The following GNAL variants were observed in gnomAD, a reference collection of about 807,000 sequenced individuals.
GNAL encodes the protein G protein subunit alpha L, also known as guanine nucleotide-binding protein G(olf) subunit alpha.
In GNAL, 18 loss-of-function variants were observed where a neutral mutation model predicts 55.1. That is an observed-to-expected ratio of 0.33 (90% CI 0.23 to 0.48). The LOEUF (loss-of-function observed/expected upper bound fraction) is 0.48. GNAL is among the 20% of genes least tolerant of loss of function. The pLI, the probability that GNAL is intolerant of heterozygous loss-of-function variation, is 0.99. For synonymous variants in GNAL, 253 were observed against 237.0 expected, an observed-to-expected ratio of 1.07 and a Z score of -0.62; for missense variants, 412 against 614.1, an observed-to-expected ratio of 0.67 and a Z score of 3.48.
intron 4 of GNAL, among the ~76,000 whole-genome samples, chr18:11,817,469 C>T (rs779436781): frequency 5.9e-5 from 9 of 152,206 alleles, no homozygotes; most frequent in East Asian, 3.9e-4. Flanking sequence ...CTAAGGTAAA[C>T]GTTAACCTCA....
At chr18:11,769,004 A>C (rs375882302) in intron 4 of GNAL, among the ~76,000 whole-genome samples, 1 of 86,860 alleles carries the variant, frequency 1.2e-5, no homozygotes, top group Non-Finnish European at 1.8e-5. Context: ...ATAATATAGA[A>C]TATATATATT....
chr18:11,829,200 C>T (rs2035320198), intron 5 of GNAL, among the ~76,000 whole-genome samples: 1 of 152,254 alleles, frequency 6.6e-6, no homozygotes. Flanking sequence ...TCTGTTTCAG[C>T]TTTCTGAACC....
chr18:11,832,737 T>G (rs146922244), intron 5 of GNAL, among the ~76,000 whole-genome samples: 2,531 of 151,888 alleles, frequency 0.017, 68 homozygotes, highest in African/African-American at 0.059. Context: ...GCACGCGCCT[T>G]TAATCCCAGC....
rs140820704 is a variant in GNAL at position 11,826,732 on chromosome 18, G to A, written c.722+1717G>A. Among the ~76,000 whole-genome samples, 464 of 152,312 alleles carry A rather than the reference G, an allele frequency of 3.0e-3. 1 individual carries two copies. The highest frequency in any genetic ancestry group is 5.2e-3 in the Non-Finnish European group (351 of 68,028). ...CATTTACTGCAAAGGGGACATCTAGGAGACTTAGGGAAGAGATCCAGCTCT... is the reference window on the plus strand; with the variant it reads ...CATTTACTGCAAAGGGGACATCTAGAAGACTTAGGGAAGAGATCCAGCTCT... On this transcript the variant is annotated intron_variant, in intron 5 of 11. Transcript: ENST00000334049.
At chr18:11,793,430 T>G (rs2034289644) in intron 4 of GNAL, among the ~76,000 whole-genome samples, 1 of 151,982 alleles carries the variant, frequency 6.6e-6, no homozygotes, top group African/African-American at 2.4e-5. Flanking sequence ...ATTTATTTTT[T>G]AATTATCCAG....
At position 11,738,072 on chromosome 18, in the gene GNAL, G is replaced by A. The variant is rs2032496099; in HGVS notation, c.377-14781G>A. 3.3e-5 allele frequency among the ~76,000 whole-genome samples: 5 copies of A among 152,334 alleles called. No individual in the cohort carries two copies. The South Asian group carries it at 1.0e-3, about 32-fold the overall frequency. On this transcript the variant is annotated intron_variant, in intron 1 of 11. Transcript: ENST00000334049. ...TGACTTGGGGCTGACAGACCTGCTG[G>A]TAGCTCATCACTCAGCAGATGAAGG...
chr18:11,796,308 T>TGGCTC (rs2034377738), intron 4 of GNAL, among the ~76,000 whole-genome samples: 1 of 152,116 alleles, frequency 6.6e-6, no homozygotes, highest in African/African-American at 2.4e-5. Flanking sequence ...CCGGGCGCAG[T>TGGCTC]GGCTCACGCC....
At chr18:11,757,004 A>G (rs1357726096) in intron 4 of GNAL, among the ~76,000 whole-genome samples, 1 of 152,224 alleles carries the variant, frequency 6.6e-6, no homozygotes, top group Admixed American at 6.5e-5. Context: ...AATACATTAT[A>G]TTAAAGTTAA....
intron 4 of GNAL, among the ~76,000 whole-genome samples, chr18:11,770,000 C>G (rs1009687609): frequency 7.2e-5 from 11 of 152,106 alleles, no homozygotes; most frequent in African/African-American, 2.7e-4. Context: ...TTATAGTTTT[C>G]AGAATTAGAA....
intron 4 of GNAL, among the ~76,000 whole-genome samples, chr18:11,824,305 T>G (rs929640115): frequency 3.9e-5 from 6 of 151,940 alleles, no homozygotes; most frequent in Non-Finnish European, 8.8e-5. Flanking sequence ...TTCTAAATAC[T>G]TTAGAATTAT....
chr18:11,719,967 G>C (rs1457977401), intron 1 of GNAL, among the ~76,000 whole-genome samples: 2 of 152,204 alleles, frequency 1.3e-5, no homozygotes, highest in Non-Finnish European at 2.9e-5. Context: ...TTGCTGTTTT[G>C]GCTTATGTTC....
chr18:11,701,955 T>C (rs1410703921), intron 1 of GNAL: 1 of 152,136 alleles, frequency 6.6e-6, no homozygotes, highest in Non-Finnish European at 1.5e-5. Context: ...ATGAAACGTT[T>C]ATCCTTTTTT....
Position 11,884,829 on chromosome 18 carries a change from G to A in GNAL, c.*3694G>A, listed in dbSNP as rs978759536. 7 of 1,397,720 alleles carry A rather than the reference G, an allele frequency of 5.0e-6. No individual in the cohort carries two copies. In the African/African-American group the frequency reaches 5.8e-5, roughly 12 times the overall value. The allele number at this position is 1,397,720 out of a possible 1,614,324, so 86.6% of individuals were successfully genotyped here. On this transcript the variant is annotated 3_prime_UTR_variant, in exon 12 of 12. Transcript: ENST00000334049. ...GACCAGCCCAGGCTCCAGCAGGAGA[G>A]ACAAGTAAGGCCCAAGTGTGCCTGA...
At chr18:11,802,211 A>G (rs1338879472) in intron 4 of GNAL, among the ~76,000 whole-genome samples, 1 of 152,092 alleles carries the variant, frequency 6.6e-6, no homozygotes, top group Non-Finnish European at 1.5e-5. Flanking sequence ...TTTGCTGGCC[A>G]CTTATTTTGT....
chr18:11,807,377 A>G (rs1164633574), intron 4 of GNAL, among the ~76,000 whole-genome samples: 4 of 152,190 alleles, frequency 2.6e-5, no homozygotes, highest in African/African-American at 9.6e-5. Context: ...CTGTGGCCAT[A>G]ACTGCGTGGA....
chr18:11,876,882 C>T (rs996724063), intron 11 of GNAL, among the ~76,000 whole-genome samples, 194 bp downstream of exon 11: 2 of 152,202 alleles, frequency 1.3e-5, no homozygotes, highest in African/African-American at 2.4e-5. Context: ...CCCAAGGTCA[C>T]ACAGCTTCCA....
At chr18:11,818,993 A>G (rs778010388) in intron 4 of GNAL, among the ~76,000 whole-genome samples, 2 of 152,244 alleles carry the variant, frequency 1.3e-5, no homozygotes, top group Non-Finnish European at 2.9e-5. Context: ...GGCCACCCCC[A>G]GCATGGCGAG....
At chr18:11,850,511 C>G (rs1292710586) in intron 5 of GNAL, among the ~76,000 whole-genome samples, 2 of 152,192 alleles carry the variant, frequency 1.3e-5, no homozygotes, top group Non-Finnish European at 2.9e-5. Context: ...GCACACATTG[C>G]TGCCATTTGA....
At chr18:11,692,412 C>T (rs750146494) in intron 1 of GNAL, among the ~76,000 whole-genome samples, 22 of 152,188 alleles carry the variant, frequency 1.4e-4, no homozygotes, top group Non-Finnish European at 3.2e-4. Flanking sequence ...AACAGGGACG[C>T]GGGCTGAGCG....
Sources: gnomAD v4.1 joint callset for allele counts (sites outside exome capture counted in the v4.1 genomes callset) on GRCh38, gnomAD v4.1.1 for gene constraint, MANE v1.5 for transcripts, NCBI Gene and HGNC (gene_info 2026-07-23, HGNC 2026-07-21) for gene names.